Variants in ASTN2 observed in about 807,000 individuals in gnomAD.
ASTN2 encodes the protein astrotactin-2.
ASTN2 carries 54 observed loss-of-function variants against 139.8 expected under a neutral mutation model. The observed-to-expected ratio is 0.39, with a 90% CI of 0.31 to 0.48. ASTN2 has a LOEUF of 0.48. Ranked by LOEUF, ASTN2 falls within the 20% of genes least tolerant of loss-of-function variation. ASTN2 has a pLI of 0.95. For missense variants in ASTN2, 1,565 were observed against 1,725.1 expected, an observed-to-expected ratio of 0.91 and a Z score of 1.64; for synonymous variants, 756 against 719.5, an observed-to-expected ratio of 1.05 and a Z score of -0.81.
At chr9:116,817,199 C>T (rs1011010775) in intron 12 of ASTN2, among the ~76,000 whole-genome samples, 2 of 151,350 alleles carry the variant, frequency 1.3e-5, no homozygotes, top group African/African-American at 4.9e-5. Context: ...GAGGCTGAGG[C>T]AGGATAATCG....
intron 10 of ASTN2, among the ~76,000 whole-genome samples, chr9:116,933,721 A>G (rs886382293): frequency 1.3e-4 from 20 of 152,156 alleles, no homozygotes; most frequent in Admixed American, 1.2e-3. Context: ...TAGGAAGAAC[A>G]TACCAATTAT....
intron 3 of ASTN2, among the ~76,000 whole-genome samples, chr9:117,203,302 G>T (rs1564476043): frequency 1.3e-5 from 2 of 151,846 alleles, no homozygotes; most frequent in African/African-American, 4.8e-5. Flanking sequence ...GCTCATCATG[G>T]TTTTTTATTA....
chr9:116,520,392 A>G (rs1017035372), intron 19 of ASTN2, among the ~76,000 whole-genome samples: 1 of 152,160 alleles, frequency 6.6e-6, no homozygotes, highest in African/African-American at 2.4e-5. Context: ...ATAATTTAAA[A>G]CAAAAATCAC....
intron 6 of ASTN2, among the ~76,000 whole-genome samples, chr9:117,037,045 G>A (rs1249933883): frequency 6.6e-6 from 1 of 152,016 alleles, no homozygotes; most frequent in Admixed American, 6.6e-5. Flanking sequence ...GAACAACTCA[G>A]CTTTAATTCA....
At chr9:116,548,887 C>T (rs1852218958) in intron 19 of ASTN2, among the ~76,000 whole-genome samples, 1 of 152,138 alleles carries the variant, frequency 6.6e-6, no homozygotes, top group South Asian at 2.1e-4. Context: ...TAGGTGATTC[C>T]TGTAGGCAAC....
intron 11 of ASTN2, among the ~76,000 whole-genome samples, chr9:116,851,524 A>G (rs866174163): frequency 7.9e-5 from 12 of 151,998 alleles, no homozygotes; most frequent in Admixed American, 7.9e-4. Flanking sequence ...CTAGTTATCT[A>G]TCTATCTTAT....
chr9:117,001,756 A>G (rs1330926939), intron 7 of ASTN2, among the ~76,000 whole-genome samples: 2 of 152,096 alleles, frequency 1.3e-5, no homozygotes, highest in South Asian at 2.1e-4. Context: ...TCTAGAATAC[A>G]TTTCTCCCTG....
chr9:117,399,429 A>AG (rs1288798049), intron 1 of ASTN2, among the ~76,000 whole-genome samples: 2 of 152,230 alleles, frequency 1.3e-5, no homozygotes, highest in Non-Finnish European at 2.9e-5. Flanking sequence ...TGAATTTTAG[A>AG]GGACTATCTT....
intron 13 of ASTN2, among the ~76,000 whole-genome samples, chr9:116,755,821 T>C (rs1363540707): frequency 6.6e-6 from 1 of 152,156 alleles, no homozygotes; most frequent in Non-Finnish European, 1.5e-5. Flanking sequence ...CAGAGGAATA[T>C]CTGAGTACGG....
intron 2 of ASTN2, among the ~76,000 whole-genome samples, chr9:117,273,631 ACAGG>A (rs1306350642): frequency 2.0e-5 from 3 of 152,188 alleles, no homozygotes; most frequent in African/African-American, 7.2e-5. Context: ...CAGAAGCAGA[ACAGG>A]ATGGCTCAGG....
intron 19 of ASTN2, among the ~76,000 whole-genome samples, chr9:116,538,954 T>C (rs1182908567): frequency 6.6e-6 from 1 of 152,196 alleles, no homozygotes; most frequent in African/African-American, 2.4e-5. Flanking sequence ...CATCATTCAT[T>C]AAAACTTGAA....
intron 15 of ASTN2, among the ~76,000 whole-genome samples, chr9:116,727,019 CA>C (rs1828645039): frequency 2.8e-5 from 1 of 36,028 alleles, no homozygotes; most frequent in Non-Finnish European, 9.6e-5. Flanking sequence ...ACTCAACACA[CA>C]CACACACACA....
chr9:116,757,162 G>C (rs1396743687), intron 13 of ASTN2, among the ~76,000 whole-genome samples: 1 of 152,148 alleles, frequency 6.6e-6, no homozygotes, highest in Non-Finnish European at 1.5e-5. Context: ...GCGAAGTTGT[G>C]AGTCGCCATG....
At chr9:117,014,116 C>T (rs1056729091) in intron 6 of ASTN2, among the ~76,000 whole-genome samples, 1 of 152,048 alleles carries the variant, frequency 6.6e-6, no homozygotes, top group South Asian at 2.1e-4. Flanking sequence ...CTGTCTTGGA[C>T]CTGGGAGAAA....
chr9:116,595,653 G>A (rs1315884866), intron 19 of ASTN2, among the ~76,000 whole-genome samples: 2 of 151,916 alleles, frequency 1.3e-5, no homozygotes, highest in Admixed American at 6.6e-5. Context: ...TTTGGGCTCC[G>A]TTTACATTAG....
intron 11 of ASTN2, 86 bp downstream of exon 11, chr9:116,863,497 C>A: frequency 6.5e-7 from 1 of 1,530,958 alleles, no homozygotes; most frequent in Admixed American, 1.9e-5. Context: ...ATCCTCCTTA[C>A]CAGCGTTCCC....
At chr9:116,855,787 G>A (rs1832724055) in intron 11 of ASTN2, among the ~76,000 whole-genome samples, 2 of 152,148 alleles carry the variant, frequency 1.3e-5, no homozygotes, top group South Asian at 2.1e-4. Flanking sequence ...ATTTCCTCAT[G>A]GATAAAATGG....
At chr9:116,825,796 A>G (rs1181440206) in intron 11 of ASTN2, among the ~76,000 whole-genome samples, 1 of 152,220 alleles carries the variant, frequency 6.6e-6, no homozygotes, top group Non-Finnish European at 1.5e-5. Context: ...AAGTTTGCAT[A>G]AAACCATTGC....
At chr9:116,723,490 A>T (rs1361322856) in intron 16 of ASTN2, among the ~76,000 whole-genome samples, 3 of 151,914 alleles carry the variant, frequency 2.0e-5, no homozygotes, top group Non-Finnish European at 1.5e-5. Flanking sequence ...TCCTCCTCTC[A>T]CAAGTTCTGC....
Sources: gnomAD v4.1 joint callset for allele counts (sites outside exome capture counted in the v4.1 genomes callset) on GRCh38, gnomAD v4.1.1 for gene constraint, MANE v1.5 for transcripts, NCBI Gene and HGNC (gene_info 2026-07-23, HGNC 2026-07-21) for gene names.